CIBAR1: variants seen among roughly 807,000 people sequenced by gnomAD.
The protein encoded by CIBAR1 is CBY1-interacting BAR domain-containing protein 1.
A neutral mutation model predicts 44.0 loss-of-function variants in CIBAR1; 25 were observed. The observed-to-expected ratio is 0.57, with a 90% CI of 0.41 to 0.79. The LOEUF (loss-of-function observed/expected upper bound fraction) is 0.79, where lower values mean the gene tolerates loss of function less well. Ranked by LOEUF, CIBAR1 falls within the 30% of genes least tolerant of loss-of-function variation. The pLI, the probability that CIBAR1 is intolerant of heterozygous loss-of-function variation, is 0.00. For missense variants in CIBAR1, 278 were observed against 344.8 expected (o/e 0.81, Z 1.53); for synonymous variants, 115 against 119.0 (o/e 0.97, Z 0.22).
At chr8:93,721,252 AT>A (rs1001115315) in intron 7 of CIBAR1, 2 of 152,194 alleles carry the variant, frequency 1.3e-5, no homozygotes, top group African/African-American at 4.8e-5. Context: ...TTCAAAAGTG[AT>A]CCCCCAATTC....
chr8:93,723,624 CT>C (rs1443608888), intron 7 of CIBAR1, among the ~76,000 whole-genome samples: 1 of 151,978 alleles, frequency 6.6e-6, no homozygotes, highest in African/African-American at 2.4e-5. Context: ...TAATTAACAT[CT>C]TCTATTTGCC....
rs569645480 is a variant in CIBAR1 at position 93,717,540 on chromosome 8, C to T, written c.544-1135C>T. ...CTGACGTATATCACTGAGTAGCAAT[C>T]AGAGCCTCTTAATGCTCCCTTAAGT... is the stretch of plus-strand genomic sequence containing the variant. On this transcript the variant is annotated intron_variant, in intron 6 of 8. Transcript: ENST00000518322. Among the ~76,000 whole-genome samples the T allele has an allele frequency of 2.0e-5, 3 of 152,242 alleles. No individual in the cohort carries two copies. In the South Asian group the frequency reaches 6.2e-4, roughly 32 times the overall value.
At chr8:93,726,280 G>T in intron 7 of CIBAR1, 114 bp from the exon 8 acceptor site, 4 of 833,722 alleles carry the variant, frequency 4.8e-6, no homozygotes, top group South Asian at 2.1e-5. Flanking sequence ...TTGGAATTTT[G>T]TCCATTTGGG....
intron 7 of CIBAR1, among the ~76,000 whole-genome samples, chr8:93,722,773 TAGAAG>T (rs533403968): frequency 2.0e-3 from 303 of 152,270 alleles, no homozygotes; most frequent in African/African-American, 7.0e-3. Context: ...GAACTGCTCT[TAGAAG>T]AGATCTTGGA....
At chr8:93,714,899 CTT>C (rs899325780) in intron 6 of CIBAR1, among the ~76,000 whole-genome samples, 4 of 152,170 alleles carry the variant, frequency 2.6e-5, no homozygotes, top group South Asian at 2.1e-4. Flanking sequence ...TGATACCACT[CTT>C]AATTTGGGGA....
intron 4 of CIBAR1, chr8:93,707,270 G>A (rs1272786772): frequency 7.2e-6 from 3 of 419,324 alleles, no homozygotes; most frequent in South Asian, 1.8e-5. Flanking sequence ...AAAAATGGAT[G>A]TGTTACTTTA....
At chr8:93,717,739 TTGAG>T (rs1811089015) in intron 6 of CIBAR1, among the ~76,000 whole-genome samples, 1 of 152,230 alleles carries the variant, frequency 6.6e-6, no homozygotes, top group Non-Finnish European at 1.5e-5. Context: ...TAATCCATGC[TTGAG>T]TATTTTCTGC....
chr8:93,700,800 C>A (rs1810308446), intron 1 of CIBAR1, 127 bp downstream of exon 1: 2 of 1,347,038 alleles, frequency 1.5e-6, no homozygotes, highest in South Asian at 2.1e-5. Flanking sequence ...GCACGGTCCC[C>A]GCTGTGACCT....
At chr8:93,707,490 A>G (rs183271749) in intron 4 of CIBAR1, among the ~76,000 whole-genome samples, 1 of 152,358 alleles carries the variant, frequency 6.6e-6, no homozygotes, top group African/African-American at 2.4e-5. Context: ...GTCAAAAGGA[A>G]GTAGTCACAA....
chr8:93,728,001 T>C (rs541890463), intron 8 of CIBAR1, among the ~76,000 whole-genome samples: 4 of 152,148 alleles, frequency 2.6e-5, no homozygotes, highest in South Asian at 4.2e-4. Context: ...TAATTACACA[T>C]TTTTATTCAA....
In CIBAR1 at chr8:93,718,808, A is replaced by T; in HGVS notation, c.657+20A>T. 1 of 1,334,920 alleles carries T rather than the reference A, an allele frequency of 7.5e-7. No individual in the cohort carries two copies. The highest frequency in any genetic ancestry group is 2.5e-5 in the East Asian group (1 of 40,418). The allele number at this position is 1,334,920 out of a possible 1,614,324, so 82.7% of individuals were successfully genotyped here. A position where few individuals can be genotyped will look rare whatever the true frequency, so the allele number is the denominator to read the frequency against. The stretch of plus-strand genomic sequence containing the variant: ...TTAGAGGTAGGACTATGTCTATCTA[A>T]GCTCAGTTCTTCTGTTAATGTGGAA... On this transcript the variant is annotated intron_variant, in intron 7 of 8. Transcript: ENST00000518322.
intron 6 of CIBAR1, among the ~76,000 whole-genome samples, chr8:93,714,198 CTAAG>C (rs772322706): frequency 1.4e-4 from 21 of 152,078 alleles, no homozygotes; most frequent in South Asian, 4.2e-4. Context: ...AAACTTCTTC[CTAAG>C]TATTTTATAC....
chr8:93,707,919 T>C, intron 4 of CIBAR1, 92 bp from the exon 5 acceptor site: 2 of 767,646 alleles, frequency 2.6e-6, no homozygotes, highest in Non-Finnish European at 4.0e-6. Context: ...AACCTAATTG[T>C]AAGTGTATAT....
chr8:93,722,991 T>TTTTA (rs536810029), intron 7 of CIBAR1, among the ~76,000 whole-genome samples: 15 of 152,170 alleles, frequency 9.9e-5, no homozygotes, highest in South Asian at 2.1e-4. Flanking sequence ...TGCATTTATT[T>TTTTA]TTTATTTATT....
chr8:93,728,294 G>C lies in CIBAR1; in HGVS notation c.867G>C (p.Lys289Asn). 6.4e-7 allele frequency: 1 copy of C among 1,564,716 alleles called. No individual in the cohort carries two copies. Among genetic ancestry groups the C allele is most frequent in the South Asian group, 1.2e-5 (1 of 84,388 alleles). The change falls in exon 9 of 9, where the codon AAG becomes AAC. Residue 289 changes from lysine (K) to asparagine (N), a missense_variant. Lys to Asn is a moderately conservative substitution (Grantham distance 94). Around this residue, in one of 3 missense-constraint regions of CIBAR1, gnomAD observed 93 missense variants for 108.9 expected, o/e 0.85. Coordinates refer to ENST00000518322, the MANE Select transcript of CIBAR1 (RefSeq NM_145269.5). ...TTACAGAAGAAGAAAATTTTCTTAA[G>C]TAAACTACACATTTCCATTTTCATC... Reference protein sequence around the residue: ...LDVTEEENFLK With the variant: ...LDVTEEENFLN
At chr8:93,705,351 A>G in intron 4 of CIBAR1, 1 of 285,946 alleles carries the variant, frequency 3.5e-6, no homozygotes, top group East Asian at 6.2e-5. Flanking sequence ...TAATCCTAAT[A>G]TATCAGTGTC....
At chr8:93,712,183 G>T (rs1810851942) in intron 6 of CIBAR1, among the ~76,000 whole-genome samples, 1 of 152,178 alleles carries the variant, frequency 6.6e-6, no homozygotes, top group South Asian at 2.1e-4. Context: ...TTAGAACATT[G>T]TCATCACTTC....
intron 6 of CIBAR1, among the ~76,000 whole-genome samples, chr8:93,710,637 C>G (rs1020619599): frequency 6.6e-6 from 1 of 151,946 alleles, no homozygotes; most frequent in Non-Finnish European, 1.5e-5. Flanking sequence ...AGTTTGAGAC[C>G]AGCCTGGCCA....
chr8:93,726,195 C>T, intron 7 of CIBAR1, 199 bp from the exon 8 acceptor site: 1 of 480,422 alleles, frequency 2.1e-6, no homozygotes, highest in Non-Finnish European at 3.7e-6. Flanking sequence ...CATCATCTTA[C>T]ATAGTTCAAA....
Sources: gnomAD v4.1 joint callset for allele counts (sites outside exome capture counted in the v4.1 genomes callset) on GRCh38, gnomAD v4.1.1 for gene constraint, gnomAD v4.1.1 regional missense constraint, MANE v1.5 for transcripts, NCBI Gene and HGNC (gene_info 2026-07-23, HGNC 2026-07-21) for gene names.